Variants in ROR1 observed in about 807,000 individuals in gnomAD.
ROR1 encodes the protein ROR family WNT receptor 1.
Under a neutral mutation model 78.8 loss-of-function variants are expected in ROR1, and 19 were observed. The ratio of observed to expected loss-of-function variants is 0.24; its 90% CI spans 0.17 to 0.35. The LOEUF (loss-of-function observed/expected upper bound fraction) is 0.35, where lower values mean the gene tolerates loss of function less well. ROR1 is among the 10% of genes least tolerant of loss of function. The probability of loss-of-function intolerance (pLI) is 1.00; values close to 1 mark genes in which losing one functional copy is unlikely to be tolerated. For missense variants in ROR1, 917 were observed against 1,177.8 expected, an observed-to-expected ratio of 0.78 and a Z score of 3.24; for synonymous variants, 386 against 433.6, an observed-to-expected ratio of 0.89 and a Z score of 1.36.
chr1:63,783,607 A>C (rs746841026), intron 1 of ROR1, among the ~76,000 whole-genome samples: 11 of 152,256 alleles, frequency 7.2e-5, no homozygotes, highest in Non-Finnish European at 1.2e-4. Flanking sequence ...TGAATCCTCC[A>C]CCATGCCCAA....
chr1:63,996,086 C>T (rs532432928), intron 1 of ROR1, among the ~76,000 whole-genome samples: 2 of 152,258 alleles, frequency 1.3e-5, no homozygotes, highest in South Asian at 4.2e-4. Flanking sequence ...TGACTACCTA[C>T]TATGAGTTTG....
At chr1:63,954,613 G>T (rs924647829) in intron 1 of ROR1, among the ~76,000 whole-genome samples, 16 of 152,136 alleles carry the variant, frequency 1.1e-4, no homozygotes, top group Admixed American at 1.0e-3. Flanking sequence ...ACCAACCTGG[G>T]ATCAAAATTA....
intron 1 of ROR1, among the ~76,000 whole-genome samples, chr1:63,857,545 G>T (rs1645156439): frequency 1.3e-5 from 2 of 152,194 alleles, no homozygotes; most frequent in African/African-American, 4.8e-5. Context: ...CAGATGGTCT[G>T]CAAATAGCTC....
chr1:63,878,966 A>T (rs992549095), intron 1 of ROR1, among the ~76,000 whole-genome samples: 1 of 152,130 alleles, frequency 6.6e-6, no homozygotes, highest in Non-Finnish European at 1.5e-5. Context: ...TAACCAATTA[A>T]TTAATTTCCT....
At chr1:63,812,738 A>G (rs79251145) in intron 1 of ROR1, among the ~76,000 whole-genome samples, 3,138 of 152,290 alleles carry the variant, frequency 0.021, 153 homozygotes, top group East Asian at 0.14. Flanking sequence ...ACTACCATCT[A>G]TGAAGCTTTG....
chr1:64,048,098 A>G (rs1355019551), intron 2 of ROR1, among the ~76,000 whole-genome samples: 3 of 152,246 alleles, frequency 2.0e-5, no homozygotes, highest in Non-Finnish European at 4.4e-5. Flanking sequence ...AACTCATTTT[A>G]CAGACATTTG....
At chr1:64,100,529 A>G (rs1353479869) in intron 4 of ROR1, among the ~76,000 whole-genome samples, 1 of 152,126 alleles carries the variant, frequency 6.6e-6, no homozygotes, top group Non-Finnish European at 1.5e-5. Flanking sequence ...TAATATCCCC[A>G]AATGTTAATA....
intron 1 of ROR1, among the ~76,000 whole-genome samples, chr1:63,817,027 A>G (rs1644896319): frequency 6.6e-6 from 1 of 152,238 alleles, no homozygotes; most frequent in African/African-American, 2.4e-5. Flanking sequence ...AGAAAGCTCT[A>G]AGAGAAAGTT....
At position 64,158,786 on chromosome 1, in the gene ROR1, C is replaced by G. The variant is rs151150247; in HGVS notation, c.1175-195C>G. On this transcript the variant is annotated intron_variant, in intron 7 of 8. Transcript: ENST00000371079. ...AGTTTTTAAACATTTGAACTTTAAA[C>G]TTTTAAACTTCAATAAATTATGTTG... Among the ~76,000 whole-genome samples the G allele has an allele frequency of 3.1e-3, 470 of 152,310 alleles. 1 individual carries two copies. The Middle Eastern group carries it at 0.034, about 11-fold the overall frequency.
intron 4 of ROR1, among the ~76,000 whole-genome samples, chr1:64,121,238 C>CTTCT (rs1297961538): frequency 1.3e-5 from 1 of 74,562 alleles, no homozygotes. Flanking sequence ...TTCCTCCTTC[C>CTTCT]TTCCTTCCTT....
At chr1:64,083,139 C>T (rs548569450) in intron 4 of ROR1, among the ~76,000 whole-genome samples, 1 of 152,092 alleles carries the variant, frequency 6.6e-6, no homozygotes, top group South Asian at 2.1e-4. Flanking sequence ...GGAAAGAGTA[C>T]AGTTAGTCTT....
At chr1:64,123,793 C>T (rs1055096096) in intron 4 of ROR1, among the ~76,000 whole-genome samples, 1 of 152,122 alleles carries the variant, frequency 6.6e-6, no homozygotes, top group African/African-American at 2.4e-5. Flanking sequence ...TAAGTCATAA[C>T]AGTTTTCTTA....
At chr1:63,945,675 C>T (rs1645881539) in intron 1 of ROR1, among the ~76,000 whole-genome samples, 1 of 152,152 alleles carries the variant, frequency 6.6e-6, no homozygotes, top group African/African-American at 2.4e-5. Context: ...TTATTTGGCC[C>T]TTAATTGGGT....
chr1:63,914,075 G>GTGTTTTTGTTTT lies in ROR1; in HGVS notation c.92-95222_92-95211dup, dbSNP rs56798932. Reference sequence around the variant, plus strand: ...TGGCTAAGTTTGGGAAGCCGCATTAGTGTTTTTGTTTTTGTTTTTAAAGTT... The same window carrying GTGTTTTTGTTTT: ...TGGCTAAGTTTGGGAAGCCGCATTAGTGTTTTTGTTTTTGTTTTTGTTTTTGTTTTTAAAGTT... On this transcript the variant is annotated intron_variant, in intron 1 of 8. Coordinates refer to ENST00000371079, the MANE Select transcript of ROR1 (RefSeq NM_005012.4). Among the ~76,000 whole-genome samples the GTGTTTTTGTTTT allele has an allele frequency of 4.0e-5, 6 of 151,156 alleles. No individual in the cohort carries two copies. The East Asian group carries it at 5.9e-4, about 15-fold the overall frequency.
At chr1:63,822,971 G>T (rs1644931882) in intron 1 of ROR1, among the ~76,000 whole-genome samples, 1 of 151,814 alleles carries the variant, frequency 6.6e-6, no homozygotes, top group African/African-American at 2.4e-5. Flanking sequence ...TCTGTGTTCT[G>T]TGGAAATAAA....
intron 4 of ROR1, among the ~76,000 whole-genome samples, chr1:64,066,260 A>C (rs567031605): frequency 6.6e-6 from 1 of 152,010 alleles, no homozygotes; most frequent in African/African-American, 2.4e-5. Flanking sequence ...GTGTCTCTAG[A>C]GCAGCAATGC....
At chr1:63,996,527 T>A (rs1646338209) in intron 1 of ROR1, among the ~76,000 whole-genome samples, 1 of 152,166 alleles carries the variant, frequency 6.6e-6, no homozygotes, top group African/African-American at 2.4e-5. Flanking sequence ...CAAAACCATC[T>A]TACTGTCTTG....
At chr1:64,093,587 A>G (rs1647224440) in intron 4 of ROR1, among the ~76,000 whole-genome samples, 1 of 152,070 alleles carries the variant, frequency 6.6e-6, no homozygotes, top group Non-Finnish European at 1.5e-5. Flanking sequence ...CTCCTACCAC[A>G]CACACACACA....
At chr1:63,955,045 GA>G (rs1645969954) in intron 1 of ROR1, among the ~76,000 whole-genome samples, 2 of 152,160 alleles carry the variant, frequency 1.3e-5, no homozygotes, top group Non-Finnish European at 2.9e-5. Context: ...TCCATTTGGT[GA>G]TTAGTAACAT....
Sources: allele counts gnomAD v4.1 joint callset (sites outside exome capture counted in the v4.1 genomes callset), GRCh38; gene constraint gnomAD v4.1.1; transcripts MANE v1.5; gene names NCBI Gene and HGNC (gene_info 2026-07-23, HGNC 2026-07-21).